ANKRD42: variants seen among roughly 807,000 people sequenced by gnomAD.
ANKRD42 encodes ankyrin repeat domain-containing protein 42.
ANKRD42 carries 43 observed loss-of-function variants against 51.5 expected under a neutral mutation model. That is an observed-to-expected ratio of 0.83 (90% CI 0.65 to 1.08). ANKRD42 has a LOEUF of 1.08. Ranked by LOEUF, ANKRD42 falls within the 50% of genes least tolerant of loss-of-function variation. The pLI is 0.00. For missense variants in ANKRD42, 608 were observed against 629.3 expected, an observed-to-expected ratio of 0.97 and a Z score of 0.36; for synonymous variants, 203 against 213.0, an observed-to-expected ratio of 0.95 and a Z score of 0.41.
At chr11:83,256,026 ACT>A in exon 12 of ANKRD42, 1 of 873,002 alleles carries the variant, frequency 1.1e-6, no homozygotes, top group South Asian at 1.9e-5. Context: ...TCTCAGAATT[ACT>A]CTGATATGCT....
downstream of ANKRD42, chr11:83,257,185 C>CTGA: frequency 1.6e-5 from 6 of 379,160 alleles, no homozygotes; most frequent in Middle Eastern, 3.8e-4. Flanking sequence ...CAAACTAGTT[C>CTGA]TGATACTAGG....
At chr11:83,261,007 T>TA (rs1591021656), downstream of ANKRD42, 1 of 152,188 alleles carries the variant, frequency 6.6e-6, no homozygotes, top group African/African-American at 2.4e-5. Flanking sequence ...ATCAAATATT[T>TA]AAAAAATACA....
chr11:83,260,149 T>C (rs948382660), downstream of ANKRD42: 16 of 152,318 alleles, frequency 1.1e-4, no homozygotes, highest in African/African-American at 3.6e-4. Flanking sequence ...TTCCTTCACA[T>C]GGAGGAAAGA....
chr11:83,221,752 G>C (rs1049260687), intron 5 of ANKRD42, among the ~76,000 whole-genome samples: 1 of 152,188 alleles, frequency 6.6e-6, no homozygotes, highest in Non-Finnish European at 1.5e-5. Context: ...GGGACCTGTG[G>C]AAAGAACCTT....
intron 5 of ANKRD42, among the ~76,000 whole-genome samples, chr11:83,212,048 C>T (rs1862343038): frequency 6.6e-6 from 1 of 151,910 alleles, no homozygotes; most frequent in South Asian, 2.1e-4. Flanking sequence ...TTAACTTCAC[C>T]TCTCTCTGCC....
intron 10 of ANKRD42, among the ~76,000 whole-genome samples, chr11:83,247,536 A>C (rs1565198205): frequency 6.6e-6 from 1 of 152,148 alleles, no homozygotes. Flanking sequence ...CTTGGCTTAG[A>C]AGCCCCCTTC....
At chr11:83,207,871 G>C (rs1862137687) in intron 3 of ANKRD42, among the ~76,000 whole-genome samples, 2 of 152,196 alleles carry the variant, frequency 1.3e-5, no homozygotes, top group African/African-American at 4.8e-5. Flanking sequence ...TAGATTATTT[G>C]TGGTGTGGAC....
intron 5 of ANKRD42, among the ~76,000 whole-genome samples, chr11:83,223,663 G>A (rs1218606767): frequency 1.3e-5 from 2 of 152,150 alleles, no homozygotes; most frequent in African/African-American, 4.8e-5. Flanking sequence ...TGATGAGTAA[G>A]CAGTTAGAGG....
chr11:83,232,441 T>C (rs612008), intron 7 of ANKRD42, among the ~76,000 whole-genome samples: 108,284 of 152,062 alleles, frequency 0.71, 39,328 homozygotes, highest in African/African-American at 0.84. Context: ...AAGTTGATTT[T>C]GTGTTCTGCA....
intron 3 of ANKRD42, among the ~76,000 whole-genome samples, chr11:83,207,781 T>C (rs2135494510): frequency 6.6e-6 from 1 of 152,354 alleles, no homozygotes; most frequent in Non-Finnish European, 1.5e-5. Flanking sequence ...ATCTCTATGC[T>C]ATACTTCTGT....
At chr11:83,254,968 T>C (rs2135567387) in intron 11 of ANKRD42, among the ~76,000 whole-genome samples, 1 of 152,356 alleles carries the variant, frequency 6.6e-6, no homozygotes, top group Non-Finnish European at 1.5e-5. Flanking sequence ...AGGGACCAGA[T>C]GCATGGTTGT....
Position 83,245,588 on chromosome 11 carries a change from A to G in ANKRD42, c.1286A>G (p.Asp429Gly). 1 of 1,536,700 alleles carries G rather than the reference A, an allele frequency of 6.5e-7. No homozygotes were observed. Among genetic ancestry groups the G allele is most frequent in the Non-Finnish European group, 8.7e-7 (1 of 1,147,016 alleles). The change falls in exon 10 of 11, where the codon GAT becomes GGT. Residue 429 changes from aspartate (D) to glycine (G), a missense_variant. Physicochemically the swap from Asp to Gly is moderately conservative, Grantham distance 94 (BLOSUM62 -1). Transcript: ENST00000533342. ...CACTTGGGAGGCATAACAGAAGAAG[A>G]TTTAAAGCAGAAGAAAGAACAGCTT... ...YKHLGGITEEDLKQKKEQLES... is the reference protein window; with the variant it reads ...YKHLGGITEEGLKQKKEQLES...
Position 83,198,476 on chromosome 11 carries a change from T to C in ANKRD42, c.59-3T>C, listed in dbSNP as rs201002064. The C allele has an allele frequency of 5.1e-5, 82 of 1,606,878 alleles. No individual in the cohort carries two copies. Among genetic ancestry groups the C allele is most frequent in the Non-Finnish European group, 6.5e-5 (77 of 1,176,110 alleles). On this transcript the variant is annotated splice_polypyrimidine_tract_variant and splice_region_variant and intron_variant, in intron 1 of 10. Coordinates refer to ENST00000533342, the MANE Select transcript of ANKRD42 (RefSeq NM_001300975.2). ...CATTGTAAGTAATTTGATTTTTCAA[T>C]AGGTTCCAGGAAGAAGGTGCATTTT...
intron 5 of ANKRD42, among the ~76,000 whole-genome samples, chr11:83,217,346 A>G (rs1185284694): frequency 2.0e-5 from 3 of 152,228 alleles, no homozygotes; most frequent in African/African-American, 4.8e-5. Context: ...TTTGGCTAAT[A>G]TGTTCCTCCC....
At position 83,248,239 on chromosome 11, in the gene ANKRD42, C is replaced by T; in HGVS notation, c.*35C>T. On this transcript the variant is annotated 3_prime_UTR_variant, in exon 11 of 11. Coordinates refer to ENST00000533342, the MANE Select transcript of ANKRD42 (RefSeq NM_001300975.2). ...CTCATTTAACCTTTTTGTGCCTCAA[C>T]TATAAACTGGAGATGATAACTTATA... is the stretch of plus-strand genomic sequence containing the variant. 1.4e-6 allele frequency: 2 copies of T among 1,443,680 alleles called. No individual in the cohort carries two copies. The highest frequency in any genetic ancestry group is 1.8e-6 in the Non-Finnish European group (2 of 1,100,810). 89.4% of individuals were successfully genotyped at this position (1,443,680 alleles called of 1,614,324 possible).
intron 5 of ANKRD42, 133 bp from the exon 6 acceptor site, chr11:83,224,722 T>C: frequency 3.3e-6 from 2 of 600,882 alleles, no homozygotes; most frequent in Non-Finnish European, 5.0e-6. Context: ...AGTTGGAGGC[T>C]ATAATGAGCT....
chr11:83,203,011 G>A (rs1287496936), intron 2 of ANKRD42, among the ~76,000 whole-genome samples: 3 of 119,616 alleles, frequency 2.5e-5, no homozygotes, highest in Non-Finnish European at 5.2e-5. Flanking sequence ...TTTTTTTTCA[G>A]ACAGGGTATC....
At chr11:83,253,367 A>G (rs990235522), downstream of ANKRD42, among the ~76,000 whole-genome samples, 3 of 152,220 alleles carry the variant, frequency 2.0e-5, no homozygotes, top group East Asian at 1.9e-4. Flanking sequence ...GAATTCTCTT[A>G]TAGTTTCATA....
At chr11:83,261,808 T>C (rs563319955), downstream of ANKRD42, 11 of 762,578 alleles carry the variant, frequency 1.4e-5, no homozygotes, top group African/African-American at 1.4e-4. Flanking sequence ...CTTCGAATAA[T>C]CTTGTGTAGT....
Sources: allele counts gnomAD v4.1 joint callset (sites outside exome capture counted in the v4.1 genomes callset), GRCh38; gene constraint gnomAD v4.1.1; transcripts MANE v1.5; gene names NCBI Gene and HGNC (gene_info 2026-07-23, HGNC 2026-07-21).